TNIP1: variants seen among roughly 807,000 people sequenced by gnomAD.
TNIP1 encodes TNFAIP3 interacting protein 1.
Under a neutral mutation model 86.6 loss-of-function variants are expected in TNIP1, and 22 were observed. The ratio of observed to expected loss-of-function variants is 0.25; its 90% CI spans 0.18 to 0.36. The LOEUF (loss-of-function observed/expected upper bound fraction) is 0.36, where lower values mean the gene tolerates loss of function less well. Among genes scored for constraint, TNIP1 ranks in the 10% least tolerant of loss-of-function variants. TNIP1 has a pLI of 1.00. For missense variants in TNIP1, 709 were observed against 820.6 expected, an observed-to-expected ratio of 0.86 and a Z score of 1.66; for synonymous variants, 294 against 313.0, an observed-to-expected ratio of 0.94 and a Z score of 0.64.
intron 1 of TNIP1, among the ~76,000 whole-genome samples, chr5:151,069,651 T>G (rs1284238162): frequency 6.6e-6 from 1 of 152,016 alleles, no homozygotes; most frequent in Non-Finnish European, 1.5e-5. Flanking sequence ...GGCCAACATC[T>G]ACCTCCCCAG....
intron 10 of TNIP1, 55 bp downstream of exon 10, chr5:151,042,841 C>A (rs1758618960): frequency 1.2e-6 from 2 of 1,610,404 alleles, no homozygotes; most frequent in East Asian, 4.5e-5. Flanking sequence ...GCTAAAGAGG[C>A]AGCGAGATGA....
chr5:151,053,252 G>C (rs899867203), intron 6 of TNIP1, among the ~76,000 whole-genome samples: 2 of 151,996 alleles, frequency 1.3e-5, no homozygotes, highest in Non-Finnish European at 2.9e-5. Context: ...TGGAACTACA[G>C]GTGTGTGCCA....
chr5:151,061,316 G>A (rs1761536732), intron 4 of TNIP1, among the ~76,000 whole-genome samples: 1 of 151,766 alleles, frequency 6.6e-6, no homozygotes, highest in Non-Finnish European at 1.5e-5. Context: ...CTGGCTCTTG[G>A]CCCTGCCCTA....
chr5:151,031,731 T>C (rs1000870757), intron 17 of TNIP1, among the ~76,000 whole-genome samples: 38 of 152,064 alleles, frequency 2.5e-4, no homozygotes, highest in Admixed American at 1.1e-3. Context: ...ACGCTGGTCT[T>C]CCCTCCGATC....
chr5:151,033,456 C>G, intron 16 of TNIP1, 152 bp downstream of exon 16: 1 of 512,158 alleles, frequency 2.0e-6, no homozygotes, highest in Non-Finnish European at 3.4e-6. Context: ...GGTAGCAGCC[C>G]AGAGCCAGGC....
intron 1 of TNIP1, 94 bp from the exon 2 acceptor site, chr5:151,065,225 G>A (rs1762086686): frequency 2.7e-6 from 3 of 1,106,178 alleles, no homozygotes; most frequent in Middle Eastern, 3.0e-4. Context: ...CCAGAAGGCA[G>A]TCCCCCACTT....
At chr5:151,069,404 G>A (rs1268806891) in intron 1 of TNIP1, among the ~76,000 whole-genome samples, 1 of 152,174 alleles carries the variant, frequency 6.6e-6, no homozygotes, top group Non-Finnish European at 1.5e-5. Context: ...CCCAAGCATT[G>A]TTTTTCCATC....
At position 151,043,811 on chromosome 5, in the gene TNIP1, A is replaced by T. The variant is rs191064723; in HGVS notation, c.937-850T>A. On this transcript the variant is annotated intron_variant, in intron 9 of 17. Transcript: ENST00000521591. ...AAGAAAAGAAAAAAAGAAAACAGAA[A>T]ATAAAGCACCTAACACACTTCCTCA... 3.8e-3 allele frequency among the ~76,000 whole-genome samples: 571 copies of T among 152,028 alleles called. 15 individuals are homozygous for T. Among genetic ancestry groups the T allele is most frequent in the Admixed American group, 0.033 (505 of 15,264 alleles).
At chr5:151,081,614 C>T (rs1451958096), upstream of TNIP1, among the ~76,000 whole-genome samples, 1 of 152,238 alleles carries the variant, frequency 6.6e-6, no homozygotes, top group Non-Finnish European at 1.5e-5. Flanking sequence ...CGCTTTGCTC[C>T]AGACATTGTA....
intron 9 of TNIP1, 88 bp from the exon 10 acceptor site, chr5:151,043,049 G>C: frequency 4.6e-6 from 6 of 1,313,592 alleles, no homozygotes; most frequent in Non-Finnish European, 6.6e-6. Context: ...AGCGTCCCAA[G>C]GTGTGCTCGG....
Position 151,045,996 on chromosome 5 carries a change from T to C in TNIP1, c.847-46A>G, listed in dbSNP as rs767750550. ...GCCTTCACCAAAACCTCAATACAAA[T>C]TATCTCACCCAGTCTCGGTGCTCCT... On this transcript the variant is annotated intron_variant, in intron 8 of 17. Transcript: ENST00000521591. 1.9e-6 allele frequency: 3 copies of C among 1,586,086 alleles called. No homozygotes were observed. In the African/African-American group the frequency reaches 4.0e-5, roughly 21 times the overall value.
Position 151,030,764 on chromosome 5 carries a change from T to G in TNIP1, c.1877-17A>C. The stretch of plus-strand genomic sequence containing the variant: ...TTGGAGACTCTAAATAAACAAAAAT[T>G]TTGAGGACTTCATGATTATGTGGTA... On this transcript the variant is annotated splice_polypyrimidine_tract_variant and intron_variant, in intron 17 of 17. Transcript: ENST00000521591. 6.3e-7 allele frequency: 1 copy of G among 1,592,378 alleles called. No individual in the cohort carries two copies. The highest frequency in any genetic ancestry group is 2.2e-5 in the East Asian group (1 of 44,760).
chr5:151,059,848 TGTGTGTGTGTGTGTGTGTGCGCGCGC>T (rs777083734), intron 5 of TNIP1, among the ~76,000 whole-genome samples: 2,099 of 101,898 alleles, frequency 0.021, 53 homozygotes, highest in African/African-American at 0.066. Context: ...TGTGTGTGTG[TGTGTGTGTGTGTGTGTGTGCGCGCGC>T]GCGCGCGCAT....
chr5:151,032,259 G>A (rs1238191509), intron 17 of TNIP1, 28 bp downstream of exon 17: 1 of 1,568,182 alleles, frequency 6.4e-7, no homozygotes, highest in Non-Finnish European at 8.7e-7. Context: ...CCCCCAGGGA[G>A]GACCAAGACT....
intron 9 of TNIP1, among the ~76,000 whole-genome samples, chr5:151,044,888 C>T (rs895127942): frequency 7.2e-5 from 11 of 152,200 alleles, no homozygotes; most frequent in African/African-American, 2.4e-4. Flanking sequence ...GAGCCTCTTA[C>T]GAACTGGCTC....
intron 1 of TNIP1, among the ~76,000 whole-genome samples, chr5:151,078,883 G>A (rs772112509): frequency 2.6e-5 from 4 of 152,126 alleles, no homozygotes; most frequent in African/African-American, 9.7e-5. Flanking sequence ...CTCCTACAAC[G>A]CTGCCTCTCT....
intron 1 of TNIP1, among the ~76,000 whole-genome samples, chr5:151,075,547 G>A (rs1383747244): frequency 2.0e-5 from 3 of 152,134 alleles, no homozygotes; most frequent in African/African-American, 7.2e-5. Context: ...ATGTCCATGA[G>A]GACCTGATAT....
intron 16 of TNIP1, 48 bp downstream of exon 16, chr5:151,033,560 G>A: frequency 7.9e-7 from 1 of 1,262,338 alleles, no homozygotes; most frequent in Non-Finnish European, 1.1e-6. Context: ...AAGGTGTCTG[G>A]GGCAGCCTCT....
In TNIP1 at chr5:151,049,888, G is replaced by C; in HGVS notation, c.782C>G (p.Ser261Cys). ...CATCTTCGGTGAGCCTGGCCGCCCA[G>C]ACGCACCCTCTTTGTTGCCATTGCT... ...LMSNGNKEGA[S>C]GRPGSPKMEG... Residue 261 changes from serine (S) to cysteine (C), a missense_variant, in exon 8 of 18, where the codon TCT (serine) becomes TGT (cysteine). Ser to Cys is a moderately radical substitution (Grantham distance 112). Transcript: ENST00000521591. The C allele has an allele frequency of 6.2e-7, 1 of 1,614,186 alleles. No individual in the cohort carries two copies. The highest frequency in any genetic ancestry group is 1.1e-5 in the South Asian group (1 of 91,088).
Sources: allele counts gnomAD v4.1 joint callset (sites outside exome capture counted in the v4.1 genomes callset), GRCh38; gene constraint gnomAD v4.1.1; transcripts MANE v1.5; gene names NCBI Gene and HGNC (gene_info 2026-07-23, HGNC 2026-07-21).